The following CDK6 variants were observed in gnomAD, a reference collection of about 807,000 sequenced individuals.
The protein encoded by CDK6 is cyclin-dependent kinase 6.
In CDK6, 6 loss-of-function variants were observed where a neutral mutation model predicts 37.1. That is an observed-to-expected ratio of 0.16 (90% CI 0.09 to 0.32). CDK6 has a LOEUF of 0.32. Among genes scored for constraint, CDK6 ranks in the 10% least tolerant of loss-of-function variants. The pLI, the probability that CDK6 is intolerant of heterozygous loss-of-function variation, is 1.00. For synonymous variants in CDK6, 160 were observed against 161.3 expected, an observed-to-expected ratio of 0.99 and a Z score of 0.06; for missense variants, 224 against 418.9, an observed-to-expected ratio of 0.53 and a Z score of 4.06.
chr7:92,746,257 T>C (rs1183638191), intron 3 of CDK6, among the ~76,000 whole-genome samples: 2 of 152,220 alleles, frequency 1.3e-5, no homozygotes, highest in Non-Finnish European at 2.9e-5. Context: ...TGTACCAGGA[T>C]TTCTCTGAGA....
chr7:92,696,398 G>A (rs1193968865), intron 4 of CDK6, among the ~76,000 whole-genome samples: 2 of 152,150 alleles, frequency 1.3e-5, no homozygotes, highest in African/African-American at 4.8e-5. Context: ...ATTATTATAT[G>A]TTGTTGTTTC....
chr7:92,655,163 A>G (rs1004595262), intron 5 of CDK6, among the ~76,000 whole-genome samples: 1 of 152,058 alleles, frequency 6.6e-6, no homozygotes, highest in Non-Finnish European at 1.5e-5. Flanking sequence ...GGATTTTTCA[A>G]TTCAGTTCTG....
intron 5 of CDK6, among the ~76,000 whole-genome samples, chr7:92,649,826 C>T (rs756788304): frequency 1.7e-4 from 26 of 152,218 alleles, no homozygotes; most frequent in Admixed American, 3.3e-4. Context: ...CAAACTTCCA[C>T]ATTACCAGTG....
intron 2 of CDK6, among the ~76,000 whole-genome samples, chr7:92,801,869 G>A (rs888094704): frequency 6.6e-6 from 1 of 151,752 alleles, no homozygotes; most frequent in Non-Finnish European, 1.5e-5. Flanking sequence ...TGATCCACCC[G>A]CCTTAGCTTT....
chr7:92,773,189 T>TA (rs1346244090), intron 3 of CDK6, among the ~76,000 whole-genome samples: 30 of 152,256 alleles, frequency 2.0e-4, no homozygotes, highest in African/African-American at 7.2e-4. Flanking sequence ...ATATGTACAT[T>TA]AAAAAATCCC....
intron 4 of CDK6, among the ~76,000 whole-genome samples, chr7:92,711,515 T>C (rs897043745): frequency 2.0e-5 from 3 of 151,718 alleles, no homozygotes; most frequent in Admixed American, 6.6e-5. Flanking sequence ...ATTGAGGATT[T>C]TCCCTTTTCA....
chr7:92,752,088 C>T (rs1353255855), intron 3 of CDK6, among the ~76,000 whole-genome samples: 1 of 152,152 alleles, frequency 6.6e-6, no homozygotes. Context: ...CTTGTGTGAA[C>T]TTGGGCAAAT....
At chr7:92,730,411 T>C (rs1228795159) in intron 3 of CDK6, among the ~76,000 whole-genome samples, 1 of 152,202 alleles carries the variant, frequency 6.6e-6, no homozygotes, top group Non-Finnish European at 1.5e-5. Context: ...ATGTATCACA[T>C]ATAACAAAGG....
At position 92,610,428 on chromosome 7, in the gene CDK6, G is replaced by T. The variant is rs1399572150; in HGVS notation, c.*4712C>A. ...TAAGAAAATAAAAATCCCCAGAAAG[G>T]CTACTTGAGAAAAAAACGTGTAAAA... On this transcript the variant is annotated 3_prime_UTR_variant, in exon 8 of 8. Transcript: ENST00000424848. 1 of 231,254 alleles carries T rather than the reference G, an allele frequency of 4.3e-6. No homozygotes were observed. The highest frequency in any genetic ancestry group is 6.2e-5 in the East Asian group (1 of 16,232). The allele number at this position is 231,254 out of a possible 1,614,324, so 14.3% of individuals were successfully genotyped here. A position where few individuals can be genotyped will look rare whatever the true frequency, so the allele number is the denominator to read the frequency against.
chr7:92,779,358 G>A (rs752855549), intron 2 of CDK6, among the ~76,000 whole-genome samples: 21 of 152,010 alleles, frequency 1.4e-4, no homozygotes, highest in Non-Finnish European at 2.8e-4. Flanking sequence ...CATTTCAATC[G>A]GTAGTTTTTA....
intron 4 of CDK6, among the ~76,000 whole-genome samples, chr7:92,690,104 C>T (rs1203324007): frequency 6.6e-6 from 1 of 152,114 alleles, no homozygotes; most frequent in Admixed American, 6.6e-5. Flanking sequence ...GTTTCTTTTG[C>T]TGTGCAGAAG....
At chr7:92,695,567 A>G (rs1040789027) in intron 4 of CDK6, among the ~76,000 whole-genome samples, 3 of 152,256 alleles carry the variant, frequency 2.0e-5, no homozygotes, top group African/African-American at 7.2e-5. Context: ...GCGTATCTGC[A>G]TGCTTTCACA....
chr7:92,673,136 T>C (rs1224208564), intron 4 of CDK6, among the ~76,000 whole-genome samples: 1 of 152,192 alleles, frequency 6.6e-6, no homozygotes, highest in African/African-American at 2.4e-5. Flanking sequence ...CAGCCCCAGT[T>C]GAGCTCTCAG....
At chr7:92,617,678 A>C (rs1795710899) in intron 7 of CDK6, among the ~76,000 whole-genome samples, 1 of 152,218 alleles carries the variant, frequency 6.6e-6, no homozygotes, top group Non-Finnish European at 1.5e-5. Flanking sequence ...CATCTCCCCA[A>C]AGTTGTGAAT....
At position 92,773,605 on chromosome 7, in the gene CDK6, A is replaced by G. The variant is rs1799773381; in HGVS notation, c.369+1091T>C. Among the ~76,000 whole-genome samples the G allele has an allele frequency of 3.9e-5, 6 of 152,360 alleles. No individual in the cohort carries two copies. In the South Asian group the frequency reaches 1.2e-3, roughly 32 times the overall value. On this transcript the variant is annotated intron_variant, in intron 3 of 7. Coordinates refer to ENST00000424848, the MANE Select transcript of CDK6 (RefSeq NM_001145306.2). ...GAACAGGTAACTATCAGGCATACCT[A>G]CATTTGGAGGGCCTTAATGTCCTTG...
rs976060015 is a variant in CDK6, at chr7:92,715,699, C to T, written c.537+9927G>A. Among the ~76,000 whole-genome samples, 6 of 152,088 alleles carry T rather than the reference C, an allele frequency of 3.9e-5. No homozygotes were observed. In the East Asian group the frequency reaches 5.8e-4, roughly 15 times the overall value. On this transcript the variant is annotated intron_variant, in intron 4 of 7. Transcript: ENST00000424848. ...AAGTCAATAAATGCATCAGAAAATCCGGCACTACAAAGTAATTGTATAAAA... is the reference window on the plus strand; with the variant it reads ...AAGTCAATAAATGCATCAGAAAATCTGGCACTACAAAGTAATTGTATAAAA...
At chr7:92,655,148 C>G (rs1231760103) in intron 5 of CDK6, among the ~76,000 whole-genome samples, 1 of 151,888 alleles carries the variant, frequency 6.6e-6, no homozygotes, top group Non-Finnish European at 1.5e-5. Flanking sequence ...ACCTGGCCAC[C>G]AAATGGATTT....
chr7:92,651,053 C>A (rs1562924783), intron 5 of CDK6, among the ~76,000 whole-genome samples: 1 of 152,124 alleles, frequency 6.6e-6, no homozygotes. Flanking sequence ...CCACACCCAG[C>A]CAATTTTTGT....
intron 2 of CDK6, among the ~76,000 whole-genome samples, chr7:92,810,558 C>A (rs1800851129): frequency 6.6e-6 from 1 of 152,134 alleles, no homozygotes; most frequent in South Asian, 2.1e-4. Context: ...AGACAACTGT[C>A]ATGACGAAAA....
Sources: gnomAD v4.1 joint callset for allele counts (sites outside exome capture counted in the v4.1 genomes callset) on GRCh38, gnomAD v4.1.1 for gene constraint, MANE v1.5 for transcripts, NCBI Gene and HGNC (gene_info 2026-07-23, HGNC 2026-07-21) for gene names.